PRDM10: variants seen among roughly 807,000 people sequenced by gnomAD.
The protein encoded by PRDM10 is PR domain zinc finger protein 10.
PRDM10 carries 65 observed loss-of-function variants against 133.1 expected under a neutral mutation model. The ratio of observed to expected loss-of-function variants is 0.49; its 90% CI spans 0.40 to 0.60. The LOEUF (loss-of-function observed/expected upper bound fraction) is 0.60. Ranked by LOEUF, PRDM10 falls within the 20% of genes least tolerant of loss-of-function variation. The probability of loss-of-function intolerance (pLI) is 0.00; values close to 1 mark genes in which losing one functional copy is unlikely to be tolerated. For synonymous variants in PRDM10, 582 were observed against 580.4 expected (o/e 1.00, Z -0.04); for missense variants, 1,137 against 1,507.1 (o/e 0.75, Z 4.07).
intron 17 of PRDM10, among the ~76,000 whole-genome samples, chr11:129,912,743 C>A (rs1474800287): frequency 2.2e-5 from 3 of 136,794 alleles, no homozygotes; most frequent in Non-Finnish European, 4.7e-5. Flanking sequence ...CAGAGCGAGA[C>A]TCCATCTCGA....
At chr11:129,994,731 A>T (rs1162620823) in intron 1 of PRDM10, among the ~76,000 whole-genome samples, 1 of 151,958 alleles carries the variant, frequency 6.6e-6, no homozygotes, top group East Asian at 1.9e-4. Context: ...AGCTCACTGC[A>T]ATCTCCGCCT....
At position 129,914,506 on chromosome 11, in the gene PRDM10, C is replaced by T. The variant is rs760518846; in HGVS notation, c.2841+198G>A. On this transcript the variant is annotated intron_variant, in intron 17 of 20. Transcript: ENST00000360871. ...GCTGGAACCTAAAATTTCCTGACTA[C>T]TATAGACAGAAATCTCTTACATTGC... The T allele has an allele frequency of 3.0e-4, 234 of 770,536 alleles. 1 individual carries two copies. Among genetic ancestry groups the T allele is most frequent in the Non-Finnish European group, 4.4e-5 (20 of 453,868 alleles). The allele number at this position is 770,536 out of a possible 1,614,324, so 47.7% of individuals were successfully genotyped here. A position where few individuals can be genotyped will look rare whatever the true frequency, so the allele number is the denominator to read the frequency against.
intron 1 of PRDM10, among the ~76,000 whole-genome samples, chr11:129,997,814 T>C (rs1662569489): frequency 6.6e-6 from 1 of 152,242 alleles, no homozygotes. Flanking sequence ...GTTAACTCAA[T>C]TATCTGGAAG....
rs759436603 is a variant in PRDM10, at chr11:129,918,501, T to C, written c.2214+38A>G. The stretch of plus-strand genomic sequence containing the variant: ...CATCATCGACAGCAATGAGGTATGC[T>C]GGGAAGACAGAGGAACCCGCAGCCA... On this transcript the variant is annotated intron_variant, in intron 14 of 20. Coordinates refer to ENST00000360871, the MANE Select transcript of PRDM10 (RefSeq NM_199437.2). The surrounding 1 kb of genome is among the most constrained non-coding windows in gnomAD (Gnocchi z 5.3). 4 of 1,599,868 alleles carry C rather than the reference T, an allele frequency of 2.5e-6. No homozygotes were observed. The Admixed American group carries it at 6.9e-5, about 28-fold the overall frequency.
At chr11:129,993,339 TTAATTC>T (rs937729290) in intron 1 of PRDM10, among the ~76,000 whole-genome samples, 18 of 152,194 alleles carry the variant, frequency 1.2e-4, no homozygotes, top group African/African-American at 4.3e-4. Flanking sequence ...TCTTCCTATA[TTAATTC>T]TAAAAGTGTT....
chr11:129,991,935 G>A (rs1938781529), intron 1 of PRDM10, among the ~76,000 whole-genome samples: 3 of 152,054 alleles, frequency 2.0e-5, no homozygotes, highest in African/African-American at 2.4e-5. Context: ...AGGTTGCGGC[G>A]AGCCAAGATC....
chr11:129,947,901 A>G lies in PRDM10; in HGVS notation c.295-531T>C, dbSNP rs950537222. 34 of 373,854 alleles carry G rather than the reference A, an allele frequency of 9.1e-5. No individual in the cohort carries two copies. Among genetic ancestry groups the G allele is most frequent in the African/African-American group, 6.4e-4 (30 of 47,142 alleles). 23.2% of individuals were successfully genotyped at this position (373,854 alleles called of 1,614,324 possible). A position where few individuals can be genotyped will look rare whatever the true frequency, so the allele number is the denominator to read the frequency against. On this transcript the variant is annotated intron_variant, in intron 4 of 20. Transcript: ENST00000360871. This position sits in a 1 kb window ranked among gnomAD's most constrained non-coding sequence, Gnocchi z 4.6. ...GTGGGGGTCCCTCTTGCCTTTCCAG[A>G]GTAGCCATACCACACTGGAGGGGGT...
chr11:129,974,198 G>C (rs1291309878), intron 1 of PRDM10, among the ~76,000 whole-genome samples: 1 of 152,186 alleles, frequency 6.6e-6, no homozygotes, highest in Non-Finnish European at 1.5e-5. Context: ...TGAGAACAGA[G>C]GCTAGACTAT....
chr11:129,909,667 C>T (rs1950124780), intron 19 of PRDM10, among the ~76,000 whole-genome samples: 1 of 152,178 alleles, frequency 6.6e-6, no homozygotes, highest in African/African-American at 2.4e-5. Flanking sequence ...AAGTCTACTC[C>T]TATTCCTTCC....
chr11:129,929,394 C>A, intron 11 of PRDM10: 1 of 1,566,866 alleles, frequency 6.4e-7, no homozygotes, highest in Non-Finnish European at 8.7e-7. Context: ...ATGTGAAACA[C>A]AGGAAACAAA....
chr11:129,910,901 C>T (rs1396724782), intron 18 of PRDM10, among the ~76,000 whole-genome samples: 1 of 152,070 alleles, frequency 6.6e-6, no homozygotes, highest in African/African-American at 2.4e-5. Flanking sequence ...CTCAGCCTCG[C>T]GAGTAGCTAG....
At chr11:129,932,259 C>A in intron 9 of PRDM10, 28 bp from the exon 10 acceptor site, 2 of 1,610,914 alleles carry the variant, frequency 1.2e-6, no homozygotes, top group South Asian at 2.2e-5. Flanking sequence ...GGTTACAGGT[C>A]GTCATGGTTA....
intron 1 of PRDM10, among the ~76,000 whole-genome samples, chr11:129,961,608 T>C (rs1364437335): frequency 1.4e-5 from 2 of 147,388 alleles, no homozygotes; most frequent in African/African-American, 2.5e-5. Flanking sequence ...ACCCGGCCAA[T>C]CCCAGCTCTT....
intron 1 of PRDM10, among the ~76,000 whole-genome samples, chr11:129,970,119 A>AT (rs906102242): frequency 6.6e-6 from 1 of 152,222 alleles, no homozygotes; most frequent in African/African-American, 2.4e-5. Flanking sequence ...CCCTGAAGAC[A>AT]TAGCACCATG....
At chr11:129,979,268 C>T (rs926572738) in intron 1 of PRDM10, among the ~76,000 whole-genome samples, 4 of 152,122 alleles carry the variant, frequency 2.6e-5, no homozygotes, top group South Asian at 2.1e-4. Context: ...AAATCCTAAG[C>T]GTCCGACCTG....
chr11:129,954,789 T>C (rs886288548), intron 4 of PRDM10, among the ~76,000 whole-genome samples: 13 of 152,124 alleles, frequency 8.5e-5, no homozygotes, highest in African/African-American at 3.1e-4. Context: ...CCTCCCACCT[T>C]AGCCTCCCAA....
At chr11:129,963,391 GAA>G (rs1395307960) in intron 1 of PRDM10, among the ~76,000 whole-genome samples, 4 of 100,730 alleles carry the variant, frequency 4.0e-5, no homozygotes, top group African/African-American at 2.4e-4. Flanking sequence ...AGAGAGAAGA[GAA>G]GAGAAGAGAA....
chr11:129,917,034 C>CA lies in PRDM10; in HGVS notation c.2325+92dup, dbSNP rs1043457545. 19 of 835,992 alleles carry CA rather than the reference C, an allele frequency of 2.3e-5. No individual in the cohort carries two copies. In the African/African-American group the frequency reaches 2.5e-4, roughly 11 times the overall value. The allele number at this position is 835,992 out of a possible 1,614,324, so 51.8% of individuals were successfully genotyped here. A position where few individuals can be genotyped will look rare whatever the true frequency, so the allele number is the denominator to read the frequency against. On this transcript the variant is annotated intron_variant, in intron 15 of 20. Transcript: ENST00000360871. The stretch of plus-strand genomic sequence containing the variant: ...ACAGGTAACCATCTGGTAAGAGTAA[C>CA]AAAAAAATCGTAGTATATATTTATA...
intron 1 of PRDM10, among the ~76,000 whole-genome samples, chr11:129,998,052 T>TAA (rs1939152657): frequency 6.6e-6 from 1 of 152,262 alleles, no homozygotes; most frequent in Non-Finnish European, 1.5e-5. Context: ...TAAAATGTTC[T>TAA]AGTATACATA....
Sources: gnomAD v4.1 joint callset for allele counts (sites outside exome capture counted in the v4.1 genomes callset) on GRCh38, gnomAD v4.1.1 for gene constraint, Gnocchi (gnomAD v3.1) non-coding constraint, MANE v1.5 for transcripts, NCBI Gene and HGNC (gene_info 2026-07-23, HGNC 2026-07-21) for gene names.